The following ZNF609 variants were observed in gnomAD, a reference collection of about 807,000 sequenced individuals.
ZNF609 encodes zinc finger protein 609.
ZNF609 carries 11 observed loss-of-function variants against 109.5 expected under a neutral mutation model. The observed-to-expected ratio is 0.10, with a 90% CI of 0.06 to 0.17. The LOEUF (loss-of-function observed/expected upper bound fraction) is 0.17, where lower values mean the gene tolerates loss of function less well. Ranked by LOEUF, ZNF609 falls within the 10% of genes least tolerant of loss-of-function variation. ZNF609 has a pLI of 1.00. For synonymous variants in ZNF609, 646 were observed against 662.0 expected (o/e 0.98, Z 0.37); for missense variants, 1,559 against 1,772.4 (o/e 0.88, Z 2.16).
chr15:64,494,285 C>G (rs1893452219), intron 1 of ZNF609, among the ~76,000 whole-genome samples: 1 of 152,166 alleles, frequency 6.6e-6, no homozygotes, highest in East Asian at 1.9e-4. Context: ...CATGTCTAGA[C>G]TAACCCTACC....
At chr15:64,524,235 G>A (rs1334933716) in intron 2 of ZNF609, among the ~76,000 whole-genome samples, 1 of 152,098 alleles carries the variant, frequency 6.6e-6, no homozygotes, top group African/African-American at 2.4e-5. Flanking sequence ...GTCTACTTCT[G>A]TCTCTCTAGA....
At chr15:64,672,161 C>G (rs1166989716) in intron 4 of ZNF609, among the ~76,000 whole-genome samples, 1 of 150,110 alleles carries the variant, frequency 6.7e-6, no homozygotes, top group Non-Finnish European at 1.5e-5. Context: ...TACAGGCGCC[C>G]GCCACCACGC....
rs769781249 is a variant in ZNF609 at position 64,499,607 on chromosome 15, A to G, written c.188A>G (p.Asn63Ser). ...AAGGAGGTGGGGATACCGGCTCCCA[A>G]TGCTGTGGCCACACTACCAGACAAC... ...GSKEVGIPAP[N>S]AVATLPDNIK... The change falls in exon 2 of 10, where the codon AAT becomes AGT. Residue 63 changes from asparagine to serine, a missense_variant. Around this residue, in one of 4 missense-constraint regions of ZNF609, gnomAD observed 291 missense variants for 317.8 expected, o/e 0.92. Coordinates refer to ENST00000326648, the MANE Select transcript of ZNF609 (RefSeq NM_015042.2). 12 of 1,614,056 alleles carry G rather than the reference A, an allele frequency of 7.4e-6. No homozygotes were observed. The highest frequency in any genetic ancestry group is 5.5e-5 in the South Asian group (5 of 91,090).
chr15:64,515,655 G>C (rs951290882), intron 2 of ZNF609, among the ~76,000 whole-genome samples: 1 of 152,086 alleles, frequency 6.6e-6, no homozygotes, highest in Non-Finnish European at 1.5e-5. Flanking sequence ...AAGCAGGTAA[G>C]GCTGGGCGCA....
chr15:64,559,282 C>T (rs936318333), intron 2 of ZNF609, among the ~76,000 whole-genome samples: 1 of 152,154 alleles, frequency 6.6e-6, no homozygotes, highest in African/African-American at 2.4e-5. Flanking sequence ...TAGTGAGACT[C>T]AAGTCCTGAA....
In ZNF609 at chr15:64,674,224, C is replaced by G; in HGVS notation, c.1370C>G (p.Ser457Cys). The change falls in exon 5 of 10, where the codon TCC (serine) becomes TGC (cysteine). Residue 457 changes from serine to cysteine, a missense_variant. This residue lies in a region of ZNF609 where 1,204 missense variants were observed against 1,314.1 expected (regional missense o/e 0.92). Coordinates refer to ENST00000326648, the MANE Select transcript of ZNF609 (RefSeq NM_015042.2). ...GAGCTGAATTCTAGCTCAGAGGACT[C>G]CAAAGGGAGCAAGCGTGTCCGTACT... ...DMELNSSSED[S>C]KGSKRVRTNS... The G allele has an allele frequency of 6.2e-7, 1 of 1,614,200 alleles. No individual in the cohort carries two copies. Among genetic ancestry groups the G allele is most frequent in the Non-Finnish European group, 8.5e-7 (1 of 1,180,026 alleles).
At position 64,675,733 on chromosome 15, in the gene ZNF609, T is replaced by C; in HGVS notation, c.2879T>C (p.Val960Ala). The C allele has an allele frequency of 6.2e-7, 1 of 1,614,130 alleles. No homozygotes were observed. Among genetic ancestry groups the C allele is most frequent in the Non-Finnish European group, 8.5e-7 (1 of 1,180,036 alleles). ...AGCAGTTCCAGTCAGCAGCCCTCGGTCATCCAGCAGCGTCCCAATATGTAC... is the reference window on the plus strand; with the variant it reads ...AGCAGTTCCAGTCAGCAGCCCTCGGCCATCCAGCAGCGTCCCAATATGTAC... ...ELSSSSQQPS[V>A]IQQRPNMYMQ... The change falls in exon 5 of 10, where the codon GTC (valine) becomes GCC (alanine). Residue 960 changes from valine (V) to alanine (A), a missense_variant. Physicochemically the swap from Val to Ala is moderately conservative, Grantham distance 64 (BLOSUM62 0). Around this residue, in one of 4 missense-constraint regions of ZNF609, gnomAD observed 1,204 missense variants for 1,314.1 expected, o/e 0.92. Coordinates refer to ENST00000326648, the MANE Select transcript of ZNF609 (RefSeq NM_015042.2).
chr15:64,512,611 A>G (rs907641231), intron 2 of ZNF609, among the ~76,000 whole-genome samples: 1 of 152,224 alleles, frequency 6.6e-6, no homozygotes, highest in Non-Finnish European at 1.5e-5. Context: ...ATATCGCATC[A>G]CAGAAATAGA....
chr15:64,541,009 C>G (rs1194635904), intron 2 of ZNF609, among the ~76,000 whole-genome samples: 7 of 114,940 alleles, frequency 6.1e-5, no homozygotes, highest in Non-Finnish European at 1.2e-4. Context: ...GCCTGGGCGA[C>G]AGAGTAAGAC....
chr15:64,506,938 A>C (rs76642968), intron 2 of ZNF609, among the ~76,000 whole-genome samples: 1,973 of 152,304 alleles, frequency 0.013, 32 homozygotes, highest in African/African-American at 0.046. Context: ...ATGTTAGCTA[A>C]GACTTTTTAG....
rs767579241 is a variant in ZNF609, at chr15:64,680,305, A to T, written c.3890A>T (p.Lys1297Ile). ...ACTTGTAAATCCAGCTCAGAGTCCAAAGCCCTGGACATCTTGCAGCAGCAT... is the reference window on the plus strand; with the variant it reads ...ACTTGTAAATCCAGCTCAGAGTCCATAGCCCTGGACATCTTGCAGCAGCAT... The part of the protein sequence containing the change: ...SVTCKSSSES[K>I]ALDILQQHAS... Residue 1297 changes from lysine to isoleucine, a missense_variant, in exon 7 of 10, where the codon AAA (lysine) becomes ATA (isoleucine). Physicochemically the swap from Lys to Ile is moderately radical, Grantham distance 102. Transcript: ENST00000326648. 12 of 1,614,102 alleles carry T rather than the reference A, an allele frequency of 7.4e-6. No homozygotes were observed. In the Admixed American group the frequency reaches 8.3e-5, roughly 11 times the overall value.
intron 2 of ZNF609, among the ~76,000 whole-genome samples, chr15:64,603,941 T>C (rs1390819597): frequency 7.9e-6 from 1 of 125,810 alleles, no homozygotes; most frequent in East Asian, 2.3e-4. Context: ...AAGGTTGCAG[T>C]AAGCCGAGAT....
chr15:64,524,435 A>T (rs1274400752), intron 2 of ZNF609, among the ~76,000 whole-genome samples: 1 of 152,134 alleles, frequency 6.6e-6, no homozygotes, highest in Admixed American at 6.5e-5. Flanking sequence ...GTGGTGGCAC[A>T]TGCCTGTAGT....
At chr15:64,592,845 A>C (rs1056834530) in intron 2 of ZNF609, 8 of 543,602 alleles carry the variant, frequency 1.5e-5, no homozygotes, top group Non-Finnish European at 2.6e-5. Context: ...TCTAGGAGGC[A>C]AAAGTTGCAG....
At chr15:64,665,307 C>A (rs766447307) in intron 3 of ZNF609, among the ~76,000 whole-genome samples, 3 of 152,156 alleles carry the variant, frequency 2.0e-5, no homozygotes, top group Non-Finnish European at 4.4e-5. Context: ...CTGTGTCAGG[C>A]CTTAGAGTCT....
intron 2 of ZNF609, among the ~76,000 whole-genome samples, chr15:64,618,568 G>T (rs1387109780): frequency 6.6e-6 from 1 of 152,206 alleles, no homozygotes; most frequent in African/African-American, 2.4e-5. Context: ...CTTGGAGAAT[G>T]AGTGTAAGGT....
At chr15:64,672,310 C>T (rs1376313534) in intron 4 of ZNF609, among the ~76,000 whole-genome samples, 1 of 149,884 alleles carries the variant, frequency 6.7e-6, no homozygotes, top group African/African-American at 2.4e-5. Flanking sequence ...CCGCACCCAG[C>T]CCAAGGCTTA....
chr15:64,520,374 T>C (rs1003160840), intron 2 of ZNF609, among the ~76,000 whole-genome samples: 9 of 152,168 alleles, frequency 5.9e-5, no homozygotes, highest in Non-Finnish European at 1.0e-4. Flanking sequence ...AAAGTTTTTA[T>C]TTGAGCACTA....
chr15:64,605,902 C>CTTT (rs10542161), intron 2 of ZNF609, among the ~76,000 whole-genome samples: 2 of 70,694 alleles, frequency 2.8e-5, no homozygotes, highest in South Asian at 6.8e-4. Context: ...CCCGGCTAAT[C>CTTT]TTTTTTTTTT....
Sources: allele counts gnomAD v4.1 joint callset (sites outside exome capture counted in the v4.1 genomes callset), GRCh38; gene constraint gnomAD v4.1.1; regional missense constraint gnomAD v4.1.1; transcripts MANE v1.5; gene names NCBI Gene and HGNC (gene_info 2026-07-23, HGNC 2026-07-21).